Variants in LRRC4C observed in about 807,000 individuals in gnomAD.
LRRC4C encodes leucine rich repeat containing 4C.
A neutral mutation model predicts 33.6 loss-of-function variants in LRRC4C; 5 were observed. The observed-to-expected ratio is 0.15, with a 90% confidence interval of 0.08 to 0.31. The LOEUF (loss-of-function observed/expected upper bound fraction) is 0.31, where lower values mean the gene tolerates loss of function less well. Ranked by LOEUF, LRRC4C falls within the 10% of genes least tolerant of loss-of-function variation. The pLI is 1.00. For missense variants in LRRC4C, 560 were observed against 796.7 expected, an observed-to-expected ratio of 0.70 and a Z score of 3.58; for synonymous variants, 329 against 302.0, an observed-to-expected ratio of 1.09 and a Z score of -0.93.
chr11:41,359,450 G>T (rs940721331), intron 1 of LRRC4C, among the ~76,000 whole-genome samples: 5 of 152,090 alleles, frequency 3.3e-5, no homozygotes, highest in African/African-American at 1.2e-4. Flanking sequence ...AGGACAGGGG[G>T]TACATGGGAC....
At chr11:40,328,166 C>T (rs1018350226) in intron 3 of LRRC4C, among the ~76,000 whole-genome samples, 1 of 152,038 alleles carries the variant, frequency 6.6e-6, no homozygotes, top group African/African-American at 2.4e-5. Flanking sequence ...CTTCCATGGC[C>T]TGTGAAGGGT....
chr11:40,577,832 C>CTTTTTTTTTT (rs56061263), intron 3 of LRRC4C, among the ~76,000 whole-genome samples: 7 of 119,364 alleles, frequency 5.9e-5, no homozygotes, highest in East Asian at 2.4e-4. Flanking sequence ...TTTCTTTTTT[C>CTTTTTTTTTT]TTTTTTTTTT....
At chr11:41,256,503 T>A (rs1328053759) in intron 1 of LRRC4C, among the ~76,000 whole-genome samples, 19 of 151,950 alleles carry the variant, frequency 1.3e-4, no homozygotes, top group Admixed American at 1.2e-3. Context: ...GCAGTTGTAC[T>A]GAGTTAGAAA....
At chr11:40,386,397 A>G (rs1414645591) in intron 3 of LRRC4C, among the ~76,000 whole-genome samples, 1 of 152,162 alleles carries the variant, frequency 6.6e-6, no homozygotes, top group African/African-American at 2.4e-5. Flanking sequence ...GTCTGACTTG[A>G]TTAGATAATC....
chr11:40,930,719 G>A (rs1957583169), intron 2 of LRRC4C, among the ~76,000 whole-genome samples: 1 of 152,062 alleles, frequency 6.6e-6, no homozygotes, highest in African/African-American at 2.4e-5. Context: ...TTTTACAAAT[G>A]CCCCTATGAT....
chr11:40,202,454 C>T (rs958257889), intron 5 of LRRC4C, among the ~76,000 whole-genome samples: 11 of 152,050 alleles, frequency 7.2e-5, no homozygotes, highest in South Asian at 2.1e-4. Context: ...ATAATTCTCC[C>T]TCTGTGCCCA....
At chr11:40,214,293 G>A (rs1199495749) in intron 5 of LRRC4C, among the ~76,000 whole-genome samples, 1 of 152,046 alleles carries the variant, frequency 6.6e-6, no homozygotes, top group African/African-American at 2.4e-5. Flanking sequence ...ATAATCCCTG[G>A]GTTTGGGGGA....
chr11:40,485,858 GA>G lies in LRRC4C; in HGVS notation c.-270+162283del, dbSNP rs765206502. On this transcript the variant is annotated intron_variant, in intron 3 of 6. Transcript: ENST00000528697. Reference sequence around the variant, plus strand: ...AGATCATGCCCTTTGCAGTGATATGGATAGAGCCATTATCCTAAGCAAACTA... The same window carrying G: ...AGATCATGCCCTTTGCAGTGATATGGTAGAGCCATTATCCTAAGCAAACTA... Among the ~76,000 whole-genome samples the G allele has an allele frequency of 4.0e-5, 6 of 151,872 alleles. No individual in the cohort carries two copies. In the East Asian group the frequency reaches 7.7e-4, roughly 20 times the overall value.
intron 1 of LRRC4C, among the ~76,000 whole-genome samples, chr11:41,238,314 C>T (rs1450250322): frequency 6.6e-6 from 1 of 152,124 alleles, no homozygotes; most frequent in Non-Finnish European, 1.5e-5. Context: ...ACATCTGTGT[C>T]TGAGTGCTTG....
At chr11:40,671,864 T>A (rs1944139965) in intron 2 of LRRC4C, among the ~76,000 whole-genome samples, 1 of 152,170 alleles carries the variant, frequency 6.6e-6, no homozygotes, top group Non-Finnish European at 1.5e-5. Flanking sequence ...TTGTACTTAT[T>A]CCTATTCTAG....
intron 1 of LRRC4C, among the ~76,000 whole-genome samples, chr11:41,179,347 TAGGTCATATGATTA>T (rs1411456497): frequency 3.3e-5 from 5 of 152,142 alleles, no homozygotes; most frequent in African/African-American, 7.2e-5. Context: ...TGAGGATGGA[TAGGTCATATGATTA>T]AGGCTATAAT....
intron 5 of LRRC4C, among the ~76,000 whole-genome samples, chr11:40,224,187 T>C (rs1864619797): frequency 6.6e-6 from 1 of 152,204 alleles, no homozygotes; most frequent in African/African-American, 2.4e-5. Context: ...AGCTTTTTAT[T>C]CTATAGAGGC....
intron 5 of LRRC4C, among the ~76,000 whole-genome samples, chr11:40,164,104 G>A (rs1200158518): frequency 2.6e-5 from 4 of 152,144 alleles, no homozygotes; most frequent in Non-Finnish European, 4.4e-5. Flanking sequence ...TATCCTCTAA[G>A]AGCTGAGTAT....
At chr11:40,172,848 T>G (rs2135446170) in intron 5 of LRRC4C, among the ~76,000 whole-genome samples, 1 of 152,258 alleles carries the variant, frequency 6.6e-6, no homozygotes. Flanking sequence ...AAATTTAGCC[T>G]TACTGTAATA....
chr11:40,502,574 C>T (rs891520608), intron 3 of LRRC4C, among the ~76,000 whole-genome samples: 2 of 152,068 alleles, frequency 1.3e-5, no homozygotes, highest in Non-Finnish European at 2.9e-5. Flanking sequence ...GACTTATTCA[C>T]TGTCATGAGA....
chr11:41,087,451 T>C (rs1940086814), intron 1 of LRRC4C, among the ~76,000 whole-genome samples: 1 of 152,122 alleles, frequency 6.6e-6, no homozygotes, highest in Admixed American at 6.6e-5. Context: ...TATCTTGTAG[T>C]TCTCCTTCAT....
At chr11:41,089,815 T>C (rs1490198429) in intron 1 of LRRC4C, among the ~76,000 whole-genome samples, 2 of 152,032 alleles carry the variant, frequency 1.3e-5, no homozygotes, top group Non-Finnish European at 2.9e-5. Context: ...AATAGATGTG[T>C]TGTCAAGGTC....
chr11:41,435,011 A>G (rs1351388589), intron 1 of LRRC4C, among the ~76,000 whole-genome samples: 1 of 152,142 alleles, frequency 6.6e-6, no homozygotes, highest in African/African-American at 2.4e-5. Context: ...CTTTCAGCCA[A>G]CCTCAGCAAT....
At chr11:40,748,510 G>T (rs913320363) in intron 2 of LRRC4C, among the ~76,000 whole-genome samples, 1 of 151,818 alleles carries the variant, frequency 6.6e-6, no homozygotes, top group African/African-American at 2.4e-5. Flanking sequence ...GAAGAGAAAG[G>T]ACTCAAATGG....
Sources: gnomAD v4.1 joint callset for allele counts (sites outside exome capture counted in the v4.1 genomes callset) on GRCh38, gnomAD v4.1.1 for gene constraint, MANE v1.5 for transcripts, NCBI Gene and HGNC (gene_info 2026-07-23, HGNC 2026-07-21) for gene names.